The following XPR1 variants were observed in gnomAD, a reference collection of about 807,000 sequenced individuals.
The protein encoded by XPR1 is solute carrier family 53 member 1.
In XPR1, 28 loss-of-function variants were observed where a neutral mutation model predicts 87.5. The observed-to-expected ratio is 0.32, with a 90% CI of 0.24 to 0.44. The LOEUF (loss-of-function observed/expected upper bound fraction) is 0.44. Ranked by LOEUF, XPR1 falls within the 20% of genes least tolerant of loss-of-function variation. The pLI, the probability that XPR1 is intolerant of heterozygous loss-of-function variation, is 1.00. For synonymous variants in XPR1, 300 were observed against 306.1 expected, an observed-to-expected ratio of 0.98 and a Z score of 0.21; for missense variants, 559 against 862.3, an observed-to-expected ratio of 0.65 and a Z score of 4.41.
chr1:180,698,228 GTTT>G (rs1657232160), intron 2 of XPR1, among the ~76,000 whole-genome samples: 1 of 151,978 alleles, frequency 6.6e-6, no homozygotes, highest in Non-Finnish European at 1.5e-5. Context: ...CTTAAAGTTT[GTTT>G]TATCTGATAA....
At chr1:180,697,918 C>T (rs1657221998) in intron 2 of XPR1, among the ~76,000 whole-genome samples, 1 of 152,080 alleles carries the variant, frequency 6.6e-6, no homozygotes, top group Non-Finnish European at 1.5e-5. Flanking sequence ...AATGTTTATT[C>T]TGCACCTGTT....
intron 1 of XPR1, among the ~76,000 whole-genome samples, chr1:180,672,332 C>G (rs571042917): frequency 2.2e-4 from 33 of 152,208 alleles, no homozygotes; most frequent in African/African-American, 7.9e-4. Flanking sequence ...CTTATATACT[C>G]TAGGCTTTAG....
intron 1 of XPR1, among the ~76,000 whole-genome samples, chr1:180,665,594 T>C (rs1392736006): frequency 6.6e-6 from 1 of 152,302 alleles, no homozygotes; most frequent in Non-Finnish European, 1.5e-5. Flanking sequence ...GACTAAATGC[T>C]CCTTCCATGG....
chr1:180,665,749 A>G (rs1655935787), intron 1 of XPR1, among the ~76,000 whole-genome samples: 1 of 152,134 alleles, frequency 6.6e-6, no homozygotes, highest in Non-Finnish European at 1.5e-5. Flanking sequence ...GGGGAGGGGT[A>G]GTGTCAGCAA....
At chr1:180,829,016 G>A (rs1021108428) in intron 9 of XPR1, among the ~76,000 whole-genome samples, 3 of 151,962 alleles carry the variant, frequency 2.0e-5, no homozygotes, top group Non-Finnish European at 4.4e-5. Context: ...GGGCAACGTG[G>A]CAAAACCCTT....
intron 2 of XPR1, among the ~76,000 whole-genome samples, chr1:180,710,348 GC>G (rs1269624201): frequency 6.6e-6 from 1 of 152,084 alleles, no homozygotes; most frequent in Non-Finnish European, 1.5e-5. Flanking sequence ...GGACCCTGGG[GC>G]CTTCTGCAGT....
At chr1:180,842,709 A>C (rs1651557998) in intron 11 of XPR1, among the ~76,000 whole-genome samples, 1 of 152,214 alleles carries the variant, frequency 6.6e-6, no homozygotes, top group Non-Finnish European at 1.5e-5. Context: ...TGGGAGGTAC[A>C]ATAATAGAAA....
At chr1:180,640,060 G>A (rs1207977674) in intron 1 of XPR1, among the ~76,000 whole-genome samples, 1 of 152,182 alleles carries the variant, frequency 6.6e-6, no homozygotes, top group East Asian at 1.9e-4. Context: ...TTTTACATAT[G>A]TTATCTCAAT....
intron 2 of XPR1, among the ~76,000 whole-genome samples, chr1:180,711,887 T>G (rs1352624957): frequency 6.6e-6 from 1 of 152,162 alleles, no homozygotes; most frequent in Non-Finnish European, 1.5e-5. Flanking sequence ...TTGTATGTGG[T>G]GTGAGGCGTG....
intron 11 of XPR1, among the ~76,000 whole-genome samples, chr1:180,853,626 GACACACACACACACACACACACAC>G: frequency 7.1e-6 from 1 of 140,332 alleles, no homozygotes; most frequent in African/African-American, 2.6e-5. Flanking sequence ...TTAGACTATA[GACACACACACACACACACACACAC>G]ACACACACAC....
chr1:180,690,540 T>C (rs1303034918), intron 2 of XPR1, among the ~76,000 whole-genome samples: 1 of 152,108 alleles, frequency 6.6e-6, no homozygotes, highest in East Asian at 1.9e-4. Flanking sequence ...TGATCTCACC[T>C]TCTACATTTC....
intron 11 of XPR1, among the ~76,000 whole-genome samples, chr1:180,840,861 TAG>T (rs1367313923): frequency 9.2e-5 from 14 of 151,730 alleles, no homozygotes; most frequent in African/African-American, 3.4e-4. Context: ...CATGACCAGG[TAG>T]ATAGGTAGAC....
At chr1:180,811,970 TAGAA>T (rs1319187429) in intron 7 of XPR1, among the ~76,000 whole-genome samples, 2 of 152,108 alleles carry the variant, frequency 1.3e-5, no homozygotes, top group African/African-American at 2.4e-5. Context: ...TAAAAACAAT[TAGAA>T]AGAGATAGGA....
chr1:180,730,699 C>T (rs185846496), intron 2 of XPR1, among the ~76,000 whole-genome samples: 16 of 152,160 alleles, frequency 1.1e-4, no homozygotes, highest in Admixed American at 3.9e-4. Flanking sequence ...GGTCTCACTC[C>T]GTTGCTTAGG....
chr1:180,740,187 A>G (rs1419530852), intron 2 of XPR1, among the ~76,000 whole-genome samples: 1 of 152,116 alleles, frequency 6.6e-6, no homozygotes, highest in Non-Finnish European at 1.5e-5. Flanking sequence ...TATTGCACTG[A>G]CCAGGATTTT....
At chr1:180,812,569 G>A in intron 7 of XPR1, among the ~76,000 whole-genome samples, 1 of 151,678 alleles carries the variant, frequency 6.6e-6, no homozygotes, top group South Asian at 2.1e-4. Context: ...AAATCTTATT[G>A]GTCTGTCTTC....
At chr1:180,693,519 T>G (rs1452092183) in intron 2 of XPR1, among the ~76,000 whole-genome samples, 1 of 152,238 alleles carries the variant, frequency 6.6e-6, no homozygotes, top group African/African-American at 2.4e-5. Flanking sequence ...TGCATTAGTT[T>G]CCTTCGGTTG....
chr1:180,768,623 T>C (rs913971314), intron 2 of XPR1, among the ~76,000 whole-genome samples: 3 of 152,230 alleles, frequency 2.0e-5, no homozygotes, highest in Non-Finnish European at 4.4e-5. Context: ...AGTGTAGGGC[T>C]AGTGAGTCTG....
chr1:180,790,743 G>GT (rs1332343892), intron 3 of XPR1, among the ~76,000 whole-genome samples: 1 of 151,900 alleles, frequency 6.6e-6, no homozygotes, highest in African/African-American at 2.4e-5. Context: ...GGGTTTCACC[G>GT]TGTTAACCAG....
Sources: gnomAD v4.1 joint callset for allele counts (sites outside exome capture counted in the v4.1 genomes callset) on GRCh38, gnomAD v4.1.1 for gene constraint, MANE v1.5 for transcripts, NCBI Gene and HGNC (gene_info 2026-07-23, HGNC 2026-07-21) for gene names.